FAT4: variants seen among roughly 807,000 people sequenced by gnomAD.
FAT4 encodes the protein protocadherin Fat 4.
FAT4 carries 84 observed loss-of-function variants against 303.9 expected under a neutral mutation model. The observed-to-expected ratio is 0.28, with a 90% confidence interval of 0.23 to 0.33. The LOEUF (loss-of-function observed/expected upper bound fraction) is 0.33, where lower values mean the gene tolerates loss of function less well. Among genes scored for constraint, FAT4 ranks in the 10% least tolerant of loss-of-function variants. The pLI is 1.00. For missense variants in FAT4, 6,005 were observed against 6,146.8 expected (o/e 0.98, Z 0.77); for synonymous variants, 2,307 against 2,298.8 (o/e 1.00, Z -0.10).
intron 2 of FAT4, among the ~76,000 whole-genome samples, chr4:125,373,508 T>G (rs1177150769): frequency 6.6e-6 from 1 of 152,210 alleles, no homozygotes; most frequent in Non-Finnish European, 1.5e-5. Flanking sequence ...TTTCTAAAAC[T>G]ATAATCTATG....
intron 8 of FAT4, among the ~76,000 whole-genome samples, chr4:125,441,695 T>C (rs1189912439): frequency 1.3e-5 from 2 of 152,190 alleles, no homozygotes; most frequent in African/African-American, 2.4e-5. Flanking sequence ...ACTTCCTTCC[T>C]CAAAATCTTT....
intron 10 of FAT4, among the ~76,000 whole-genome samples, chr4:125,458,311 A>G (rs995079642): frequency 8.6e-5 from 13 of 151,990 alleles, no homozygotes; most frequent in African/African-American, 2.9e-4. Flanking sequence ...ACCAACTTAT[A>G]TACAGAATAT....
intron 5 of FAT4, 113 bp from the exon 6 acceptor site, chr4:125,414,771 T>C: frequency 1.5e-6 from 1 of 662,730 alleles, no homozygotes; most frequent in Non-Finnish European, 2.6e-6. Flanking sequence ...TCCTAAAGTG[T>C]GTTTGGATGC....
At chr4:125,333,670 A>G (rs1016799626) in intron 2 of FAT4, among the ~76,000 whole-genome samples, 9 of 152,132 alleles carry the variant, frequency 5.9e-5, no homozygotes, top group Non-Finnish European at 1.3e-4. Flanking sequence ...AGGAGACTTT[A>G]TTTTAAGCTA....
intron 2 of FAT4, among the ~76,000 whole-genome samples, chr4:125,350,897 C>A (rs965310642): frequency 2.0e-5 from 3 of 151,572 alleles, no homozygotes; most frequent in Non-Finnish European, 4.4e-5. Context: ...AATGCCTGAC[C>A]CTTAAGACAG....
At chr4:125,411,321 G>T (rs963397) in intron 5 of FAT4, among the ~76,000 whole-genome samples, 2 of 151,990 alleles carry the variant, frequency 1.3e-5, no homozygotes, top group Admixed American at 6.6e-5. Context: ...TACTAAGCAT[G>T]CGGTATTACA....
intron 2 of FAT4, among the ~76,000 whole-genome samples, chr4:125,393,717 A>C (rs1405117379): frequency 6.6e-6 from 1 of 152,246 alleles, no homozygotes; most frequent in Non-Finnish European, 1.5e-5. Flanking sequence ...CCTTCAGCAT[A>C]AAGTAATTTG....
chr4:125,414,812 T>A, intron 5 of FAT4, 72 bp from the exon 6 acceptor site: 1 of 1,040,648 alleles, frequency 9.6e-7, no homozygotes, highest in Non-Finnish European at 1.4e-6. Flanking sequence ...AATTACTTGC[T>A]AAAAGTTTTG....
intron 2 of FAT4, among the ~76,000 whole-genome samples, chr4:125,382,056 A>T (rs1027489239): frequency 3.3e-5 from 5 of 152,170 alleles, no homozygotes; most frequent in African/African-American, 9.7e-5. Flanking sequence ...TGCTATGTCT[A>T]CCACATCCGT....
In FAT4 at chr4:125,406,935, G is replaced by T. The variant is rs200898075; in HGVS notation, c.5363G>T (p.Arg1788Leu). Reference protein sequence around the residue: ...TIISGADDSFRIDPESGDLIA... With the variant: ...TIISGADDSFLIDPESGDLIA... ...ATTAGTGGAGCTGATGATAGTTTTC[G>T]CATCGACCCAGAATCCGGAGATCTG... The change falls in exon 4 of 18, where the codon CGC (arginine) becomes CTC (leucine). Residue 1788 changes from arginine to leucine, a missense_variant. Physicochemically the swap from Arg to Leu is moderately radical, Grantham distance 102 (BLOSUM62 -2). Transcript: ENST00000394329. 34 of 1,613,798 alleles carry T rather than the reference G, an allele frequency of 2.1e-5. No homozygotes were observed. Among genetic ancestry groups the T allele is most frequent in the Admixed American group, 6.7e-5 (4 of 59,964 alleles).
intron 13 of FAT4, among the ~76,000 whole-genome samples, chr4:125,476,596 T>C (rs921270686): frequency 3.3e-5 from 5 of 152,176 alleles, no homozygotes; most frequent in African/African-American, 1.2e-4. Flanking sequence ...TTCTAAAAGT[T>C]TACGTGAAAA....
intron 2 of FAT4, among the ~76,000 whole-genome samples, chr4:125,372,363 C>CAAAAAAAA (rs200201646): frequency 1.2e-5 from 1 of 86,304 alleles, no homozygotes; most frequent in Non-Finnish European, 2.6e-5. Context: ...GACCCTGTTT[C>CAAAAAAAA]AAAAAAAAAA....
At chr4:125,391,472 A>G (rs1387888938) in intron 2 of FAT4, among the ~76,000 whole-genome samples, 1 of 152,128 alleles carries the variant, frequency 6.6e-6, no homozygotes, top group Non-Finnish European at 1.5e-5. Context: ...GAACAATGAG[A>G]ACACGTGGAC....
At chr4:125,363,994 T>A (rs1009242994) in intron 2 of FAT4, among the ~76,000 whole-genome samples, 26 of 152,170 alleles carry the variant, frequency 1.7e-4, no homozygotes, top group Non-Finnish European at 5.9e-5. Context: ...TAGAGTCTAC[T>A]GTGCATTACA....
At chr4:125,434,806 G>A (rs1474496556) in intron 8 of FAT4, among the ~76,000 whole-genome samples, 1 of 152,150 alleles carries the variant, frequency 6.6e-6, no homozygotes, top group African/African-American at 2.4e-5. Context: ...TTGGTTGGAA[G>A]GTTCAGGATC....
chr4:125,486,309 A>G (rs1293091089), intron 16 of FAT4, among the ~76,000 whole-genome samples: 3 of 152,016 alleles, frequency 2.0e-5, no homozygotes, highest in East Asian at 1.9e-4. Context: ...ATCTGGAAAA[A>G]TTGGCTTTAA....
At position 125,481,731 on chromosome 4, in the gene FAT4, C is replaced by T; in HGVS notation, c.12815C>T (p.Thr4272Ile). 1 of 1,613,810 alleles carries T rather than the reference C, an allele frequency of 6.2e-7. No individual in the cohort carries two copies. Among genetic ancestry groups the T allele is most frequent in the Non-Finnish European group, 8.5e-7 (1 of 1,179,720 alleles). ...IHIQESSNYTTVKIKNGKVYF... is the reference protein window; with the variant it reads ...IHIQESSNYTIVKIKNGKVYF... ...ATCCAAGAAAGCAGCAATTACACTA[C>T]TGTGAAGGTGAGATAAAAGCTAATG... The change falls in exon 16 of 18, where the codon ACT becomes ATT. Residue 4272 changes from threonine (T) to isoleucine (I), a missense_variant. Thr to Ile is a moderately conservative substitution (Grantham distance 89). Transcript: ENST00000394329.
chr4:125,401,231 T>A (rs1734376506), intron 3 of FAT4, among the ~76,000 whole-genome samples: 1 of 152,080 alleles, frequency 6.6e-6, no homozygotes, highest in Non-Finnish European at 1.5e-5. Flanking sequence ...CTCACATGTC[T>A]TTGGTTTCAT....
At chr4:125,346,182 A>T (rs1052955649) in intron 2 of FAT4, among the ~76,000 whole-genome samples, 14 of 152,082 alleles carry the variant, frequency 9.2e-5, no homozygotes, top group African/African-American at 3.4e-4. Flanking sequence ...TGAAGCTTGT[A>T]CACAAACTTT....
Sources: gnomAD v4.1 joint callset for allele counts (sites outside exome capture counted in the v4.1 genomes callset) on GRCh38, gnomAD v4.1.1 for gene constraint, MANE v1.5 for transcripts, NCBI Gene and HGNC (gene_info 2026-07-23, HGNC 2026-07-21) for gene names.